NPAS3: variants seen among roughly 807,000 people sequenced by gnomAD.
The protein encoded by NPAS3 is neuronal PAS domain protein 3, also known as neuronal PAS domain-containing protein 3.
A neutral mutation model predicts 73.1 loss-of-function variants in NPAS3; 14 were observed. The ratio of observed to expected loss-of-function variants is 0.19; its 90% confidence interval spans 0.13 to 0.30. The LOEUF is 0.30. Ranked by LOEUF, NPAS3 falls within the 10% of genes least tolerant of loss-of-function variation. The pLI is 1.00. For synonymous variants in NPAS3, 620 were observed against 541.5 expected (o/e 1.14, Z -2.01); for missense variants, 1,096 against 1,250.0 (o/e 0.88, Z 1.86).
intron 1 of NPAS3, among the ~76,000 whole-genome samples, chr14:32,946,027 G>T (rs760707468): frequency 6.6e-6 from 1 of 152,120 alleles, no homozygotes; most frequent in Admixed American, 6.5e-5. Context: ...TTTATTTTGT[G>T]ATAGTTTTGC....
At chr14:33,642,017 A>G (rs1595345666) in intron 5 of NPAS3, among the ~76,000 whole-genome samples, 1 of 152,178 alleles carries the variant, frequency 6.6e-6, no homozygotes, top group South Asian at 2.1e-4. Context: ...TTTATGGTGT[A>G]TGATTGTGTC....
intron 5 of NPAS3, among the ~76,000 whole-genome samples, chr14:33,638,394 G>A (rs2058584299): frequency 6.6e-6 from 1 of 152,090 alleles, no homozygotes; most frequent in Non-Finnish European, 1.5e-5. Flanking sequence ...GCAACTAGTG[G>A]GTTTGAACCC....
At chr14:33,654,193 A>T (rs565861164) in intron 5 of NPAS3, among the ~76,000 whole-genome samples, 5 of 152,142 alleles carry the variant, frequency 3.3e-5, no homozygotes, top group Admixed American at 3.3e-4. Flanking sequence ...TTTTTTTCAA[A>T]AGAAAATTTA....
intron 4 of NPAS3, among the ~76,000 whole-genome samples, chr14:33,384,237 G>A (rs1442546368): frequency 1.3e-4 from 20 of 152,160 alleles, no homozygotes; most frequent in African/African-American, 4.8e-4. Context: ...AACAACCTTA[G>A]GATATAAAAG....
intron 2 of NPAS3, among the ~76,000 whole-genome samples, chr14:33,088,264 G>C (rs142627311): frequency 6.7e-6 from 1 of 150,090 alleles, no homozygotes; most frequent in South Asian, 2.1e-4. Flanking sequence ...GAAGTGCAAG[G>C]GGTCAGGGAA....
chr14:33,483,235 T>G (rs1180694167), intron 4 of NPAS3, among the ~76,000 whole-genome samples: 2 of 152,186 alleles, frequency 1.3e-5, no homozygotes, highest in Non-Finnish European at 2.9e-5. Flanking sequence ...ACTCCCATCT[T>G]TGAGTGGCTC....
At chr14:33,739,739 C>A (rs1338784434) in intron 7 of NPAS3, among the ~76,000 whole-genome samples, 1 of 152,140 alleles carries the variant, frequency 6.6e-6, no homozygotes, top group East Asian at 1.9e-4. Flanking sequence ...GGTTACAAAA[C>A]CCTATTTAAC....
At chr14:33,462,895 G>T (rs571353630) in intron 4 of NPAS3, among the ~76,000 whole-genome samples, 1 of 152,278 alleles carries the variant, frequency 6.6e-6, no homozygotes, top group African/African-American at 2.4e-5. Flanking sequence ...AAAGGGTGAG[G>T]ATAAAATGAG....
chr14:33,743,969 G>A (rs1026812277), intron 7 of NPAS3, among the ~76,000 whole-genome samples: 1 of 152,192 alleles, frequency 6.6e-6, no homozygotes, highest in Non-Finnish European at 1.5e-5. Flanking sequence ...CTCTGGATTA[G>A]GCTTTGGCAT....
intron 4 of NPAS3, among the ~76,000 whole-genome samples, chr14:33,439,319 G>A (rs892068406): frequency 2.6e-5 from 4 of 152,268 alleles, no homozygotes; most frequent in East Asian, 3.9e-4. Context: ...TTCCCAGGGG[G>A]CAAATATGTA....
At chr14:33,656,874 C>A (rs2059158894) in intron 5 of NPAS3, among the ~76,000 whole-genome samples, 1 of 152,176 alleles carries the variant, frequency 6.6e-6, no homozygotes, top group South Asian at 2.1e-4. Flanking sequence ...CACTTCCTCA[C>A]CCATTATCCA....
chr14:33,321,448 T>C (rs1231176670), intron 3 of NPAS3, among the ~76,000 whole-genome samples: 1 of 152,006 alleles, frequency 6.6e-6, no homozygotes, highest in Non-Finnish European at 1.5e-5. Context: ...TCCAGTCCCA[T>C]TATGAATAAG....
At chr14:33,289,475 T>A (rs2042009491) in intron 3 of NPAS3, among the ~76,000 whole-genome samples, 8 of 152,120 alleles carry the variant, frequency 5.3e-5, no homozygotes, top group Admixed American at 5.2e-4. Context: ...ACCTGAATGA[T>A]GGCTTTAGTA....
chr14:33,006,763 A>T (rs991872418), intron 1 of NPAS3, among the ~76,000 whole-genome samples: 4 of 152,214 alleles, frequency 2.6e-5, no homozygotes, highest in Admixed American at 1.3e-4. Flanking sequence ...ATAACGTTTC[A>T]TAATGAGAAA....
At chr14:33,004,816 C>CTTTTTTTTTTTTTTTTTTTTT (rs1566455727) in intron 1 of NPAS3, among the ~76,000 whole-genome samples, 1 of 21,874 alleles carries the variant, frequency 4.6e-5, no homozygotes, top group African/African-American at 1.3e-4. Context: ...AAAAAGTTTT[C>CTTTTTTTTTTTTTTTTTTTTT]CTTTTTTTTT....
chr14:33,683,018 G>A (rs1409491896), intron 6 of NPAS3, among the ~76,000 whole-genome samples: 5 of 150,218 alleles, frequency 3.3e-5, no homozygotes, highest in Non-Finnish European at 7.4e-5. Context: ...GAAGATGTTG[G>A]ATCTTGGCAC....
intron 3 of NPAS3, among the ~76,000 whole-genome samples, chr14:33,291,150 G>T (rs1270246568): frequency 1.3e-5 from 2 of 152,094 alleles, no homozygotes; most frequent in East Asian, 3.9e-4. Context: ...AGAGGGGAAA[G>T]CACAACCCCA....
At chr14:33,047,056 T>A (rs778421453) in intron 1 of NPAS3, among the ~76,000 whole-genome samples, 2 of 151,988 alleles carry the variant, frequency 1.3e-5, no homozygotes, top group Non-Finnish European at 2.9e-5. Context: ...GGCCTTGGGT[T>A]TGGAACTAAG....
In NPAS3 at chr14:33,325,304, A is replaced by AT. The variant is rs1472290082; in HGVS notation, c.386-41879dup. 9.9e-5 allele frequency among the ~76,000 whole-genome samples: 15 copies of AT among 152,242 alleles called. No individual in the cohort carries two copies. In the East Asian group the frequency reaches 2.9e-3, roughly 29 times the overall value. ...GTATCTGTCCTCTCAAGCATTTATC[A>AT]TTTGTGTTACAAACAATCCAACTAC... On this transcript the variant is annotated intron_variant, in intron 3 of 11. Coordinates refer to ENST00000356141, the Ensembl canonical transcript of NPAS3.
Sources: allele counts gnomAD v4.1 joint callset (sites outside exome capture counted in the v4.1 genomes callset), GRCh38; gene constraint gnomAD v4.1.1; transcripts MANE v1.5; gene names NCBI Gene and HGNC (gene_info 2026-07-23, HGNC 2026-07-21).